SLC17A1: variants seen among roughly 807,000 people sequenced by gnomAD.
The protein encoded by SLC17A1 is sodium-dependent phosphate transport protein 1.
SLC17A1 carries 51 observed loss-of-function variants against 53.5 expected under a neutral mutation model. The ratio of observed to expected loss-of-function variants is 0.95; its 90% CI spans 0.76 to 1.20. SLC17A1 has a LOEUF of 1.20. Ranked by LOEUF, SLC17A1 falls within the 50% of genes most tolerant of loss-of-function variation. The pLI, the probability that SLC17A1 is intolerant of heterozygous loss-of-function variation, is 0.00. For synonymous variants in SLC17A1, 179 were observed against 198.8 expected (o/e 0.90, Z 0.84); for missense variants, 538 against 568.2 (o/e 0.95, Z 0.54).
chr6:25,799,786 G>T (rs891182729), intron 11 of SLC17A1, among the ~76,000 whole-genome samples: 34 of 152,176 alleles, frequency 2.2e-4, no homozygotes, highest in African/African-American at 7.7e-4. Flanking sequence ...AGTCAGCTCT[G>T]CACACCTGAG....
At chr6:25,764,441 TA>T in the SLC17A1 span, among the ~76,000 whole-genome samples, 1 of 152,150 alleles carries the variant, frequency 6.6e-6, no homozygotes, top group Non-Finnish European at 1.5e-5. Flanking sequence ...TGGAAATGAA[TA>T]AAACAAGCAC....
At chr6:25,769,183 A>C in the SLC17A1 span, 12 of 1,613,554 alleles carry the variant, frequency 7.4e-6, no homozygotes, top group African/African-American at 1.3e-5. Flanking sequence ...AAAGAATTTA[A>C]AGCAATGGTA....
chr6:25,774,130 G>A, the SLC17A1 span, among the ~76,000 whole-genome samples: 1 of 152,094 alleles, frequency 6.6e-6, no homozygotes, highest in Non-Finnish European at 1.5e-5. Flanking sequence ...AGGACATAAA[G>A]TCCCAAATAA....
At chr6:25,726,246 G>T in the SLC17A1 span, 2 of 1,613,906 alleles carry the variant, frequency 1.2e-6, no homozygotes, top group East Asian at 4.5e-5. Context: ...AAAGCTTATT[G>T]AGTTCCTCAT....
At chr6:25,762,489 T>G in the SLC17A1 span, among the ~76,000 whole-genome samples, 1 of 152,200 alleles carries the variant, frequency 6.6e-6, no homozygotes, top group African/African-American at 2.4e-5. Context: ...CTTATCTATA[T>G]TACAACATCA....
At chr6:25,744,376 C>G in the SLC17A1 span, among the ~76,000 whole-genome samples, 6 of 152,162 alleles carry the variant, frequency 3.9e-5, no homozygotes, top group African/African-American at 1.4e-4. Context: ...TTGGGATTCT[C>G]TTAAGCAGTC....
At chr6:25,795,412 A>G (rs1763583430) in intron 12 of SLC17A1, among the ~76,000 whole-genome samples, 1 of 152,224 alleles carries the variant, frequency 6.6e-6, no homozygotes, top group African/African-American at 2.4e-5. Context: ...AAGAAGAGTT[A>G]GAGAGCATAA....
chr6:25,770,148 C>T, the SLC17A1 span: 10 of 1,613,998 alleles, frequency 6.2e-6, no homozygotes, highest in Non-Finnish European at 8.5e-6. Flanking sequence ...GGCTCCAATC[C>T]CCAGTGGCTA....
chr6:25,825,451 C>T (rs971541085), intron 3 of SLC17A1, among the ~76,000 whole-genome samples: 2 of 150,402 alleles, frequency 1.3e-5, no homozygotes, highest in African/African-American at 4.9e-5. Flanking sequence ...TTTCTTTCAA[C>T]ACCTTAAAAA....
chr6:25,734,388 G>T, the SLC17A1 span, among the ~76,000 whole-genome samples: 1 of 152,146 alleles, frequency 6.6e-6, no homozygotes, highest in Non-Finnish European at 1.5e-5. Flanking sequence ...GGATTAAGAT[G>T]AATGGGGAAA....
chr6:25,769,206 C>G, the SLC17A1 span: 1 of 1,597,444 alleles, frequency 6.3e-7, no homozygotes, highest in Non-Finnish European at 8.6e-7. Context: ...TTTAATGAGA[C>G]TCTGGACTCT....
the SLC17A1 span, among the ~76,000 whole-genome samples, chr6:25,752,679 G>A: frequency 2.0e-5 from 3 of 152,082 alleles, no homozygotes; most frequent in South Asian, 2.1e-4. Context: ...TAGGCCGGGT[G>A]CGGTGGCTCA....
downstream of SLC17A1, among the ~76,000 whole-genome samples, chr6:25,781,585 G>A (rs1453088882): frequency 6.6e-6 from 1 of 152,206 alleles, no homozygotes; most frequent in East Asian, 1.9e-4. Flanking sequence ...GAAAGTTCAA[G>A]ATTGGGCATC....
the SLC17A1 span, chr6:25,776,737 A>G: frequency 6.8e-6 from 11 of 1,613,936 alleles, no homozygotes; most frequent in Non-Finnish European, 8.5e-6. Context: ...GGTAAGGGAG[A>G]GACTGGACAC....
intron 10 of SLC17A1, among the ~76,000 whole-genome samples, chr6:25,809,580 A>G (rs958393600): frequency 6.6e-6 from 1 of 152,140 alleles, no homozygotes; most frequent in Non-Finnish European, 1.5e-5. Flanking sequence ...GTGAAAGACC[A>G]CAATGAAAAC....
chr6:25,814,022 A>G (rs1312559687), intron 6 of SLC17A1, among the ~76,000 whole-genome samples: 2 of 152,196 alleles, frequency 1.3e-5, no homozygotes, highest in Non-Finnish European at 2.9e-5. Flanking sequence ...CTTTGCTATT[A>G]TCACCCAGTT....
chr6:25,756,364 A>G, the SLC17A1 span, among the ~76,000 whole-genome samples: 41,340 of 151,986 alleles, frequency 0.27, 6,835 homozygotes, highest in East Asian at 0.7. Context: ...CTCAAATATA[A>G]CCATTTCACA....
intron 3 of SLC17A1, among the ~76,000 whole-genome samples, chr6:25,823,392 A>G (rs1285410789): frequency 6.6e-6 from 1 of 152,136 alleles, no homozygotes; most frequent in Non-Finnish European, 1.5e-5. Context: ...TGAAATGACA[A>G]AGTGTATTCC....
In SLC17A1 at chr6:25,812,821, G is replaced by T; in HGVS notation, c.897+10C>A. ...GTGAAGTTAAAAAAAAGAACAAATA[G>T]TATACTTACCTCTTTTATATTAACA... On this transcript the variant is annotated intron_variant, in intron 8 of 12. Transcript: ENST00000244527. 6.3e-7 allele frequency: 1 copy of T among 1,585,026 alleles called. No homozygotes were observed. Among genetic ancestry groups the T allele is most frequent in the South Asian group, 1.1e-5 (1 of 88,048 alleles).
Sources: gnomAD v4.1 joint callset for allele counts (sites outside exome capture counted in the v4.1 genomes callset) on GRCh38, gnomAD v4.1.1 for gene constraint, MANE v1.5 for transcripts, NCBI Gene and HGNC (gene_info 2026-07-23, HGNC 2026-07-21) for gene names.